MMP16: variants seen among roughly 807,000 people sequenced by gnomAD.
The protein encoded by MMP16 is matrix metalloproteinase-16.
A neutral mutation model predicts 67.8 loss-of-function variants in MMP16; 12 were observed. The observed-to-expected ratio is 0.18, with a 90% confidence interval of 0.11 to 0.29. The LOEUF is 0.29. Among genes scored for constraint, MMP16 ranks in the 10% least tolerant of loss-of-function variants. MMP16 has a pLI of 1.00. For synonymous variants in MMP16, 249 were observed against 255.9 expected, an observed-to-expected ratio of 0.97 and a Z score of 0.26; for missense variants, 475 against 765.7, an observed-to-expected ratio of 0.62 and a Z score of 4.48.
rs28991894 is a variant in MMP16 at position 88,065,405 on chromosome 8, T to G, written c.1223-9127A>C. ...GGAGTTTTTGAATCATTTTAATAAG[T>G]AGAGGTATATTAGCAATTAGAGTTT... On this transcript the variant is annotated intron_variant, in intron 7 of 9. Coordinates refer to ENST00000286614, the MANE Select transcript of MMP16 (RefSeq NM_005941.5). Among the ~76,000 whole-genome samples the G allele has an allele frequency of 9.5e-3, 1,440 of 152,208 alleles. 5 individuals are homozygous for G. Among genetic ancestry groups the G allele is most frequent in the Non-Finnish European group, 0.014 (942 of 67,972 alleles).
intron 7 of MMP16, among the ~76,000 whole-genome samples, chr8:88,060,006 AG>A (rs1301083925): frequency 3.3e-5 from 5 of 152,022 alleles, no homozygotes; most frequent in Non-Finnish European, 7.4e-5. Flanking sequence ...AAGTGATACA[AG>A]GAGCAAAGCT....
intron 3 of MMP16, among the ~76,000 whole-genome samples, chr8:88,182,623 C>G (rs13253856): frequency 0.94 from 143,331 of 152,194 alleles, 68,089 homozygotes; most frequent in East Asian, 1. Flanking sequence ...TGCAAAATGG[C>G]ATAACCATGT....
At chr8:88,046,552 C>A in intron 9 of MMP16, 117 bp downstream of exon 9, 1 of 451,684 alleles carries the variant, frequency 2.2e-6, no homozygotes, top group Non-Finnish European at 3.9e-6. Flanking sequence ...AATAGAAATA[C>A]AGTATTACAT....
Position 88,039,499 on chromosome 8 carries a change from A to C in MMP16, c.*1962T>G, listed in dbSNP as rs1407965577. 1 of 152,630 alleles carries C rather than the reference A, an allele frequency of 6.6e-6. No homozygotes were observed. Among genetic ancestry groups the C allele is most frequent in the African/African-American group, 2.4e-5 (1 of 41,462 alleles). 9.5% of individuals were successfully genotyped at this position (152,630 alleles called of 1,614,324 possible). A position where few individuals can be genotyped will look rare whatever the true frequency, so the allele number is the denominator to read the frequency against. On this transcript the variant is annotated 3_prime_UTR_variant, in exon 10 of 10. Transcript: ENST00000286614. The surrounding 1 kb of genome is among the most constrained non-coding windows in gnomAD (Gnocchi z 4.5). The stretch of plus-strand genomic sequence containing the variant: ...CACCAGATTTCCTTCAGTTTGTGCC[A>C]GTTTGCAAGTTAAAGGTCAAAGGGC...
At chr8:88,266,170 T>C (rs1810473776) in intron 1 of MMP16, among the ~76,000 whole-genome samples, 1 of 152,098 alleles carries the variant, frequency 6.6e-6, no homozygotes, top group African/African-American at 2.4e-5. Flanking sequence ...TGCCTAACAC[T>C]TCCTAATTCT....
intron 2 of MMP16, among the ~76,000 whole-genome samples, chr8:88,188,459 T>A (rs1398238047): frequency 2.6e-5 from 4 of 152,138 alleles, no homozygotes; most frequent in African/African-American, 7.2e-5. Context: ...GAAAAAAACC[T>A]GAAATGGATA....
At chr8:88,173,163 T>C (rs1207570737) in intron 3 of MMP16, among the ~76,000 whole-genome samples, 1 of 152,142 alleles carries the variant, frequency 6.6e-6, no homozygotes, top group Non-Finnish European at 1.5e-5. Context: ...GTAATCTTCC[T>C]GCCTCAGCCT....
intron 6 of MMP16, among the ~76,000 whole-genome samples, chr8:88,088,084 A>ATATATAATAGATATCGATATATC (rs1808871836): frequency 8.8e-6 from 1 of 113,764 alleles, no homozygotes; most frequent in African/African-American, 3.5e-5. Context: ...CTATATATCT[A>ATATATAATAGATATCGATATATC]TATATAATAG....
chr8:88,223,599 A>G (rs536497575), intron 1 of MMP16, among the ~76,000 whole-genome samples: 38 of 149,770 alleles, frequency 2.5e-4, no homozygotes, highest in African/African-American at 9.1e-4. Flanking sequence ...AGGACAGAAA[A>G]CCAAACACTG....
At chr8:88,273,243 C>A (rs1389001562) in intron 1 of MMP16, among the ~76,000 whole-genome samples, 2 of 129,004 alleles carry the variant, frequency 1.6e-5, no homozygotes, top group Non-Finnish European at 3.3e-5. Flanking sequence ...TGCCACCATG[C>A]CTGGCTTTTT....
intron 1 of MMP16, among the ~76,000 whole-genome samples, chr8:88,304,832 A>G (rs976690527): frequency 6.6e-6 from 1 of 152,224 alleles, no homozygotes; most frequent in Non-Finnish European, 1.5e-5. Flanking sequence ...ATCACCAGCC[A>G]CTTAAAAAAC....
At chr8:88,099,210 T>C (rs2118371005) in intron 6 of MMP16, among the ~76,000 whole-genome samples, 1 of 151,664 alleles carries the variant, frequency 6.6e-6, no homozygotes. Flanking sequence ...GCCAAAGAGA[T>C]TGGGGAAAAT....
intron 8 of MMP16, among the ~76,000 whole-genome samples, chr8:88,054,433 A>G (rs1209352726): frequency 6.6e-6 from 1 of 152,194 alleles, no homozygotes; most frequent in Non-Finnish European, 1.5e-5. Context: ...ATTTACTTTC[A>G]TTAGTGGCCA....
At chr8:88,291,746 T>C (rs2130019776) in intron 1 of MMP16, among the ~76,000 whole-genome samples, 1 of 152,328 alleles carries the variant, frequency 6.6e-6, no homozygotes, top group South Asian at 2.1e-4. Context: ...TAGTAATATA[T>C]TTTACTGCAA....
At chr8:88,078,990 G>C (rs1204322528) in intron 6 of MMP16, among the ~76,000 whole-genome samples, 1 of 152,130 alleles carries the variant, frequency 6.6e-6, no homozygotes, top group African/African-American at 2.4e-5. Context: ...ATTTCACTGA[G>C]ATGACTGCAA....
intron 7 of MMP16, among the ~76,000 whole-genome samples, chr8:88,072,958 C>T (rs558612636): frequency 9.9e-5 from 15 of 152,096 alleles, no homozygotes; most frequent in African/African-American, 3.4e-4. Context: ...AGCGGCAAAG[C>T]GAATAAAAGT....
At chr8:88,106,969 A>C (rs1162536859) in intron 6 of MMP16, among the ~76,000 whole-genome samples, 1 of 151,194 alleles carries the variant, frequency 6.6e-6, no homozygotes, top group Admixed American at 6.6e-5. Flanking sequence ...TTTAGAAACA[A>C]CTCAATTTCA....
chr8:88,113,261 A>G (rs1809371453), intron 6 of MMP16, among the ~76,000 whole-genome samples: 1 of 151,840 alleles, frequency 6.6e-6, no homozygotes, highest in Non-Finnish European at 1.5e-5. Context: ...ATCACTAGAG[A>G]GAATCAACCA....
chr8:88,196,495 T>A (rs190814417), intron 2 of MMP16, among the ~76,000 whole-genome samples: 14 of 152,250 alleles, frequency 9.2e-5, no homozygotes, highest in Admixed American at 7.9e-4. Context: ...CTTTCACAGA[T>A]AAAGCACCCA....
Sources: allele counts gnomAD v4.1 joint callset (sites outside exome capture counted in the v4.1 genomes callset), GRCh38; gene constraint gnomAD v4.1.1; non-coding constraint Gnocchi (gnomAD v3.1); transcripts MANE v1.5; gene names NCBI Gene and HGNC (gene_info 2026-07-23, HGNC 2026-07-21).